The following NLRC4 variants were observed in gnomAD, a reference collection of about 807,000 sequenced individuals.
NLRC4 encodes NLR family CARD domain-containing protein 4.
NLRC4 carries 63 observed loss-of-function variants against 79.9 expected under a neutral mutation model. That is an observed-to-expected ratio of 0.79 (90% confidence interval 0.64 to 0.97). The LOEUF (loss-of-function observed/expected upper bound fraction) is 0.97. NLRC4 is among the 50% of genes least tolerant of loss of function. The pLI is 0.00. For synonymous variants in NLRC4, 461 were observed against 456.5 expected, an observed-to-expected ratio of 1.01 and a Z score of -0.12; for missense variants, 1,074 against 1,215.2, an observed-to-expected ratio of 0.88 and a Z score of 1.73.
Position 32,238,611 on chromosome 2 carries a change from A to G in NLRC4, c.2351-309T>C, listed in dbSNP as rs1019144423. Among the ~76,000 whole-genome samples, 5 of 152,124 alleles carry G rather than the reference A, an allele frequency of 3.3e-5. No individual in the cohort carries two copies. The South Asian group carries it at 6.2e-4, about 19-fold the overall frequency. On this transcript the variant is annotated intron_variant, in intron 5 of 8. Transcript: ENST00000402280. ...TACTCTTACCGTAATTCTTTACATG[A>G]ATGAAGTCTTCTAGAGCACTCTCCT...
At chr2:32,238,587 A>G (rs1401294674) in intron 5 of NLRC4, among the ~76,000 whole-genome samples, 2 of 152,016 alleles carry the variant, frequency 1.3e-5, no homozygotes, top group African/African-American at 4.8e-5. Context: ...ATCAATGTAT[A>G]CTCTTACCGT....
At position 32,250,461 on chromosome 2, in the gene NLRC4, G is replaced by A. The variant is rs1293711835; in HGVS notation, c.1403C>T (p.Thr468Ile). Residue 468 changes from threonine to isoleucine, a missense_variant, in exon 4 of 9, where the codon ACC becomes ATC. By Grantham distance (89) the Thr-to-Ile change is moderately conservative. Transcript: ENST00000402280. This position sits in a 1 kb window ranked among gnomAD's most constrained non-coding sequence, Gnocchi z 4.9. ...LLTSHEPEEV[T>I]KGNGYLQKMV... is the part of the protein sequence containing the mutation. The stretch of plus-strand genomic sequence containing the variant: ...TTTCTGCAAGTAACCATTCCCCTTG[G>A]TCACCTCCTCTGGCTCATGAGACGT... 6.2e-7 allele frequency: 1 copy of A among 1,614,190 alleles called. No individual in the cohort carries two copies. Among genetic ancestry groups the A allele is most frequent in the Non-Finnish European group, 8.5e-7 (1 of 1,180,036 alleles).
At position 32,250,181 on chromosome 2, in the gene NLRC4, T is replaced by C. The variant is rs148632046; in HGVS notation, c.1683A>G (p.Leu561=). Reference sequence around the variant, plus strand: ...CTGATTTGGATGTACTCTCTTGATATAAATGGATGCCACACTCTACAAAGG... The same window carrying C: ...CTGATTTGGATGTACTCTCTTGATACAAATGGATGCCACACTCTACAAAGG... ...INSFVECGIH[L]YQESTSKSAL... Residue 561 remains leucine, a synonymous_variant, in exon 4 of 9, where the codon TTA becomes TTG. Transcript: ENST00000402280. This position sits in a 1 kb window ranked among gnomAD's most constrained non-coding sequence, Gnocchi z 4.9. 3.5e-4 allele frequency: 567 copies of C among 1,614,254 alleles called. 4 individuals are homozygous for C. In the African/African-American group the frequency reaches 6.4e-3, roughly 18 times the overall value.
chr2:32,225,759 C>G (rs1220720890), intron 8 of NLRC4, among the ~76,000 whole-genome samples: 3 of 152,126 alleles, frequency 2.0e-5, no homozygotes, highest in Non-Finnish European at 4.4e-5. Flanking sequence ...TGTTTATACT[C>G]CAGAGTATCA....
intron 8 of NLRC4, among the ~76,000 whole-genome samples, chr2:32,233,341 ATATATATATTTT>A (rs1167036862): frequency 2.4e-4 from 11 of 45,400 alleles, no homozygotes; most frequent in Admixed American, 7.5e-4. Flanking sequence ...ATATATATAT[ATATATATATTTT>A]TTTTTTTTTT....
chr2:32,244,079 G>A (rs927979068), intron 4 of NLRC4, among the ~76,000 whole-genome samples: 1 of 151,956 alleles, frequency 6.6e-6, no homozygotes, highest in South Asian at 2.1e-4. Context: ...GCGAGAACTC[G>A]TCTCTACAAA....
At chr2:32,241,683 CAG>C (rs1686806898) in intron 4 of NLRC4, among the ~76,000 whole-genome samples, 1 of 151,828 alleles carries the variant, frequency 6.6e-6, no homozygotes, top group Non-Finnish European at 1.5e-5. Flanking sequence ...TGGCCGATAA[CAG>C]GGAAATTTCT....
Position 32,238,322 on chromosome 2 carries a change from A to G in NLRC4, c.2351-20T>C, listed in dbSNP as rs772443326. On this transcript the variant is annotated intron_variant, in intron 5 of 8. Transcript: ENST00000402280. ...CTTCAGCTGAAAAATGATAGAAAGG[A>G]ATGCATTAGGATACCAAGTTAATTC... The G allele has an allele frequency of 1.4e-5, 22 of 1,598,794 alleles. No homozygotes were observed. Among genetic ancestry groups the G allele is most frequent in the Non-Finnish European group, 1.9e-5 (22 of 1,170,334 alleles).
intron 2 of NLRC4, among the ~76,000 whole-genome samples, chr2:32,256,328 T>A (rs376986674): frequency 2.6e-5 from 4 of 152,072 alleles, no homozygotes; most frequent in East Asian, 3.8e-4. Flanking sequence ...CAACTGAAGT[T>A]TACATTTTAT....
chr2:32,261,148 G>C (rs184991252), intron 1 of NLRC4, among the ~76,000 whole-genome samples: 7 of 149,412 alleles, frequency 4.7e-5, no homozygotes, highest in Non-Finnish European at 8.9e-5. Context: ...AGCCGAGATC[G>C]CAGCACTGCA....
In NLRC4 at chr2:32,251,468, G is replaced by A. The variant is rs1687076680; in HGVS notation, c.396C>T (p.Ser132=). 6.2e-7 allele frequency: 1 copy of A among 1,614,110 alleles called. No homozygotes were observed. Among genetic ancestry groups the A allele is most frequent in the Non-Finnish European group, 8.5e-7 (1 of 1,179,994 alleles). ...TCCACAGGACAGGTTCTGTGAAGGTGCTTTTCAAGTTAAAAATAATGTCAA... is the reference window on the plus strand; with the variant it reads ...TCCACAGGACAGGTTCTGTGAAGGTACTTTTCAAGTTAAAAATAATGTCAA... ...EDIDIIFNLK[S]TFTEPVLWRK... is the part of the protein sequence containing the mutation. Residue 132 remains serine, a synonymous_variant, in exon 4 of 9, where the codon AGC becomes AGT. Transcript: ENST00000402280.
chr2:32,252,720 A>G (rs1383732995), intron 2 of NLRC4, 41 bp from the exon 3 acceptor site: 1 of 1,577,236 alleles, frequency 6.3e-7, no homozygotes, highest in East Asian at 2.2e-5. Context: ...ATTTACTTAT[A>G]TAAAATGTGC....
Position 32,256,871 on chromosome 2 carries a change from TTTCTGTAAAACTACTCTTCA to T in NLRC4, c.-116_-97del. ...AGGTGATCCCAATATTGTCCTCTTT[TTTCTGTAAAACTACTCTTCA>T]TTCTGTAAAACAAACAAAACAGAAC... On this transcript the variant is annotated splice_region_variant and 5_prime_UTR_variant, in exon 2 of 9. The change abolishes an upstream ATG in the 5' untranslated region. Transcript: ENST00000402280. The T allele has an allele frequency of 1.4e-6, 1 of 734,430 alleles. No individual in the cohort carries two copies. The highest frequency in any genetic ancestry group is 1.9e-5 in the Admixed American group (1 of 51,804). 45.5% of individuals were successfully genotyped at this position (734,430 alleles called of 1,614,324 possible). A position where few individuals can be genotyped will look rare whatever the true frequency, so the allele number is the denominator to read the frequency against.
intron 1 of NLRC4, among the ~76,000 whole-genome samples, chr2:32,258,951 C>A (rs890539335): frequency 1.3e-5 from 2 of 152,072 alleles, no homozygotes; most frequent in Non-Finnish European, 2.9e-5. Flanking sequence ...CATGAGAGGG[C>A]AGACAGGAAG....
At chr2:32,254,967 C>G (rs1687171772) in intron 2 of NLRC4, among the ~76,000 whole-genome samples, 1 of 151,802 alleles carries the variant, frequency 6.6e-6, no homozygotes, top group African/African-American at 2.4e-5. Flanking sequence ...GAATGCACTC[C>G]TCTCAAAGAC....
chr2:32,249,387 G>A lies in NLRC4; in HGVS notation c.2257+220C>T, dbSNP rs370013610. Among the ~76,000 whole-genome samples, 5 of 152,268 alleles carry A rather than the reference G, an allele frequency of 3.3e-5. No homozygotes were observed. In the East Asian group the frequency reaches 7.7e-4, roughly 24 times the overall value. On this transcript the variant is annotated intron_variant, in intron 4 of 8. Transcript: ENST00000402280. ...CTCCTGTAATCTGTTGAATATGTAT[G>A]TTTAGCCAACCCATTCAACATAAAG... is the stretch of plus-strand genomic sequence containing the variant.
At chr2:32,246,572 C>T (rs1186672134) in intron 4 of NLRC4, among the ~76,000 whole-genome samples, 2 of 152,234 alleles carry the variant, frequency 1.3e-5, no homozygotes, top group Non-Finnish European at 2.9e-5. Flanking sequence ...TCCTGCTTCC[C>T]ATGGCTTCAC....
chr2:32,249,232 A>G (rs1002617698), intron 4 of NLRC4, among the ~76,000 whole-genome samples: 9 of 152,240 alleles, frequency 5.9e-5, no homozygotes, highest in Non-Finnish European at 1.0e-4. Flanking sequence ...TGTGCAGCCC[A>G]CGGACTGCAG....
chr2:32,246,672 A>G (rs141966006), intron 4 of NLRC4, among the ~76,000 whole-genome samples: 1 of 152,384 alleles, frequency 6.6e-6, no homozygotes, highest in African/African-American at 2.4e-5. Context: ...AATTTGGGGA[A>G]GTATCCCCGT....
Sources: gnomAD v4.1 joint callset for allele counts (sites outside exome capture counted in the v4.1 genomes callset) on GRCh38, gnomAD v4.1.1 for gene constraint, Gnocchi (gnomAD v3.1) non-coding constraint, MANE v1.5 for transcripts, NCBI Gene and HGNC (gene_info 2026-07-23, HGNC 2026-07-21) for gene names.